The following ARFIP1 variants were observed in gnomAD, a reference collection of about 807,000 sequenced individuals.
ARFIP1 encodes ARF interacting protein 1.
Under a neutral mutation model 42.5 loss-of-function variants are expected in ARFIP1, and 24 were observed. The observed-to-expected ratio is 0.57, with a 90% CI of 0.41 to 0.80. ARFIP1 has a LOEUF of 0.80. ARFIP1 is among the 30% of genes least tolerant of loss of function. The probability of loss-of-function intolerance (pLI) is 0.00; values close to 1 mark genes in which losing one functional copy is unlikely to be tolerated. For missense variants in ARFIP1, 354 were observed against 434.0 expected, an observed-to-expected ratio of 0.82 and a Z score of 1.64; for synonymous variants, 141 against 153.7, an observed-to-expected ratio of 0.92 and a Z score of 0.61.
intron 1 of ARFIP1, among the ~76,000 whole-genome samples, chr4:152,790,292 A>G (rs1578801940): frequency 6.6e-6 from 1 of 152,234 alleles, no homozygotes; most frequent in African/African-American, 2.4e-5. Flanking sequence ...GATAATACCA[A>G]ATAACAGGTA....
intron 1 of ARFIP1, among the ~76,000 whole-genome samples, chr4:152,799,680 G>A (rs56399239): frequency 0.027 from 4,082 of 152,250 alleles, 99 homozygotes; most frequent in South Asian, 0.11. Flanking sequence ...TATGTATACG[G>A]TACGTATCTT....
At chr4:152,902,438 G>A (rs892216673) in intron 8 of ARFIP1, among the ~76,000 whole-genome samples, 14 of 152,134 alleles carry the variant, frequency 9.2e-5, no homozygotes, top group African/African-American at 3.4e-4. Flanking sequence ...GGGGATCAAG[G>A]CTGCAGTGAG....
At chr4:152,832,878 C>G (rs34013912) in intron 2 of ARFIP1, among the ~76,000 whole-genome samples, 34,525 of 152,054 alleles carry the variant, frequency 0.23, 4,950 homozygotes, top group African/African-American at 0.41. Context: ...TTATCTTACA[C>G]CATACACAAA....
chr4:152,867,640 G>A (rs2149880409), intron 3 of ARFIP1, among the ~76,000 whole-genome samples: 1 of 152,138 alleles, frequency 6.6e-6, no homozygotes, highest in East Asian at 1.9e-4. Context: ...TAAAGTTATT[G>A]TATAATGGTA....
At chr4:152,867,379 G>T (rs565491816) in intron 3 of ARFIP1, among the ~76,000 whole-genome samples, 1 of 152,046 alleles carries the variant, frequency 6.6e-6, no homozygotes. Context: ...GCCTGCAATC[G>T]CAGGCACTCA....
At chr4:152,898,070 G>A (rs1484319584) in intron 8 of ARFIP1, among the ~76,000 whole-genome samples, 1 of 139,896 alleles carries the variant, frequency 7.1e-6, no homozygotes, top group Non-Finnish European at 1.5e-5. Context: ...TGCAACCTCC[G>A]CCTCCCGGGT....
At chr4:152,901,001 C>T (rs375804670) in intron 8 of ARFIP1, among the ~76,000 whole-genome samples, 2 of 152,068 alleles carry the variant, frequency 1.3e-5, no homozygotes, top group South Asian at 4.1e-4. Flanking sequence ...CGGTTTTTGC[C>T]ATTACTTTCA....
intron 8 of ARFIP1, among the ~76,000 whole-genome samples, chr4:152,894,526 T>C (rs77587997): frequency 6.6e-6 from 1 of 152,326 alleles, no homozygotes; most frequent in Non-Finnish European, 1.5e-5. Flanking sequence ...ATGTCACCTT[T>C]ACTTCTAAAG....
intron 1 of ARFIP1, among the ~76,000 whole-genome samples, chr4:152,804,892 T>A (rs1728882374): frequency 6.6e-6 from 1 of 152,190 alleles, no homozygotes. Flanking sequence ...GTGGATACAT[T>A]ATTTAAATTA....
chr4:152,872,550 C>G lies in ARFIP1; in HGVS notation c.397C>G (p.Leu133Val). ...EKLELVRKWS[L>V]NTYKCTRQII... ...GTTAGAACTTGTTAGAAAATGGAGT[C>G]TAAACACCTATAAGGTTTGTAATTA... The change falls in exon 5 of 9, where the codon CTA becomes GTA. Residue 133 changes from leucine (L) to valine (V), a missense_variant. Leu to Val is a conservative substitution (Grantham distance 32). Transcript: ENST00000353617. The G allele has an allele frequency of 6.3e-7, 1 of 1,589,482 alleles. No individual in the cohort carries two copies. The highest frequency in any genetic ancestry group is 1.3e-5 in the African/African-American group (1 of 74,342).
chr4:152,804,199 C>CATATATAATATAAG lies in ARFIP1; in HGVS notation c.-10+23975_-10+23976insATATAATATAAGAT, dbSNP rs1561108276. Reference sequence around the variant, plus strand: ...GTATTATATATTATATATAATATAACATGTATTATATATTATATATAATAT... The same window carrying CATATATAATATAAG: ...GTATTATATATTATATATAATATAACATATATAATATAAGATGTATTATATATTATATATAATAT... On this transcript the variant is annotated intron_variant, in intron 1 of 8. Coordinates refer to ENST00000353617, the MANE Select transcript of ARFIP1 (RefSeq NM_001025595.3). Among the ~76,000 whole-genome samples the CATATATAATATAAG allele has an allele frequency of 1.5e-4, 5 of 34,360 alleles. 1 individual carries two copies. The highest frequency in any genetic ancestry group is 3.0e-4 in the Non-Finnish European group (5 of 16,628). 22.5% of individuals were successfully genotyped at this position (34,360 alleles called of 152,430 possible).
chr4:152,877,690 G>A (rs62319928), intron 5 of ARFIP1, among the ~76,000 whole-genome samples: 6,602 of 152,154 alleles, frequency 0.043, 179 homozygotes, highest in South Asian at 0.11. Context: ...CTCAACTTGA[G>A]TTGTATCTCC....
chr4:152,873,729 A>G (rs1277583456), intron 5 of ARFIP1, among the ~76,000 whole-genome samples: 1 of 152,096 alleles, frequency 6.6e-6, no homozygotes, highest in African/African-American at 2.4e-5. Flanking sequence ...TTACTCTCTC[A>G]CATTACTGTA....
chr4:152,780,427 C>T (rs940596288), intron 1 of ARFIP1, among the ~76,000 whole-genome samples: 5 of 152,146 alleles, frequency 3.3e-5, no homozygotes, highest in Admixed American at 6.5e-5. Flanking sequence ...TGAGTGTGCC[C>T]CCGAAACAGT....
At chr4:152,803,943 A>G in intron 1 of ARFIP1, among the ~76,000 whole-genome samples, 1 of 143,624 alleles carries the variant, frequency 7.0e-6, no homozygotes, top group Non-Finnish European at 1.5e-5. Flanking sequence ...TGATTCATAT[A>G]AATGTCTGAA....
intron 5 of ARFIP1, among the ~76,000 whole-genome samples, chr4:152,875,802 G>C (rs1047902808): frequency 6.6e-6 from 1 of 150,760 alleles, no homozygotes; most frequent in African/African-American, 2.4e-5. Context: ...AACTCCAGTT[G>C]TATCTCCTAG....
chr4:152,811,062 C>G (rs4350995), intron 1 of ARFIP1, among the ~76,000 whole-genome samples: 122,581 of 148,310 alleles, frequency 0.83, 50,778 homozygotes, highest in Non-Finnish European at 0.85. Flanking sequence ...ACATGGAAAT[C>G]GACAACAGCC....
chr4:152,796,767 C>G lies in ARFIP1; in HGVS notation c.-10+16541C>G, dbSNP rs1028766323. 2.3e-5 allele frequency: 17 copies of G among 734,886 alleles called. No individual in the cohort carries two copies. The East Asian group carries it at 4.0e-4, about 17-fold the overall frequency. The allele number at this position is 734,886 out of a possible 1,614,324, so 45.5% of individuals were successfully genotyped here. A position where few individuals can be genotyped will look rare whatever the true frequency, so the allele number is the denominator to read the frequency against. On this transcript the variant is annotated intron_variant, in intron 1 of 8. Transcript: ENST00000353617. ...GAGCTTCTCGACTTTCCTTCTTTCT[C>G]TTTCTCTCATGGTAATCCAAATGGT...
intron 8 of ARFIP1, among the ~76,000 whole-genome samples, chr4:152,892,067 C>T (rs1736905234): frequency 6.6e-6 from 1 of 152,010 alleles, no homozygotes; most frequent in Non-Finnish European, 1.5e-5. Flanking sequence ...CCCAACCACT[C>T]ACCATCCTCT....
Sources: allele counts gnomAD v4.1 joint callset (sites outside exome capture counted in the v4.1 genomes callset), GRCh38; gene constraint gnomAD v4.1.1; transcripts MANE v1.5; gene names NCBI Gene and HGNC (gene_info 2026-07-23, HGNC 2026-07-21).